The following TBC1D4 variants were observed in gnomAD, a reference collection of about 807,000 sequenced individuals.
TBC1D4 encodes the protein TBC1 domain family member 4, also known as TBC (Tre-2, BUB2, CDC16) domain-containing protein.
Under a neutral mutation model 142.5 loss-of-function variants are expected in TBC1D4, and 121 were observed. That is an observed-to-expected ratio of 0.85 (90% CI 0.73 to 0.99). The LOEUF (loss-of-function observed/expected upper bound fraction) is 0.99. TBC1D4 is among the 50% of genes least tolerant of loss of function. TBC1D4 has a pLI of 0.00. For synonymous variants in TBC1D4, 630 were observed against 628.2 expected, an observed-to-expected ratio of 1.00 and a Z score of -0.04; for missense variants, 1,475 against 1,606.6, an observed-to-expected ratio of 0.92 and a Z score of 1.40.
intron 1 of TBC1D4, among the ~76,000 whole-genome samples, chr13:75,426,072 T>C (rs1886360412): frequency 6.6e-6 from 1 of 152,198 alleles, no homozygotes; most frequent in East Asian, 1.9e-4. Flanking sequence ...TTTTATACCA[T>C]AAATGTATAA....
chr13:75,465,674 T>C (rs958201059), intron 1 of TBC1D4, among the ~76,000 whole-genome samples: 4 of 152,108 alleles, frequency 2.6e-5, no homozygotes, highest in African/African-American at 9.7e-5. Flanking sequence ...CATGCCATGA[T>C]TGGGTTGGGG....
rs35018625 is a variant in TBC1D4, at chr13:75,341,114, T to TA, written c.1611+10dup. The stretch of plus-strand genomic sequence containing the variant: ...CAACAAAAGTAGGTGAAGTAGGAAA[T>TA]ATCTTCTCACAGAAGGGCCTTCCCC... On this transcript the variant is annotated intron_variant, in intron 7 of 20. Coordinates refer to ENST00000377636, the MANE Select transcript of TBC1D4 (RefSeq NM_014832.5). 0.47 allele frequency: 749,478 copies of TA among 1,606,802 alleles called. 182,536 individuals are homozygous for TA. Among genetic ancestry groups the TA allele is most frequent in the East Asian group, 0.67 (30,006 of 44,746 alleles).
At chr13:75,404,553 T>C (rs940028983) in intron 1 of TBC1D4, among the ~76,000 whole-genome samples, 1 of 152,154 alleles carries the variant, frequency 6.6e-6, no homozygotes, top group Non-Finnish European at 1.5e-5. Context: ...TTATCTGATG[T>C]TTTTCTCATG....
At chr13:75,291,038 C>T (rs1053877478) in intron 19 of TBC1D4, among the ~76,000 whole-genome samples, 2 of 152,168 alleles carry the variant, frequency 1.3e-5, no homozygotes, top group Non-Finnish European at 2.9e-5. Context: ...TGCATCTGAA[C>T]GGCAGCAATA....
chr13:75,465,160 C>T (rs1402563139), intron 1 of TBC1D4, among the ~76,000 whole-genome samples: 2 of 152,134 alleles, frequency 1.3e-5, no homozygotes, highest in African/African-American at 4.8e-5. Flanking sequence ...TGCGCAGGGC[C>T]GTAAGTGGTG....
chr13:75,306,606 A>G (rs1877214275), intron 14 of TBC1D4, 135 bp from the exon 15 acceptor site: 4 of 1,055,108 alleles, frequency 3.8e-6, no homozygotes, highest in Non-Finnish European at 4.1e-6. Context: ...AAGAAAATTT[A>G]AAACAAATTG....
intron 1 of TBC1D4, among the ~76,000 whole-genome samples, chr13:75,442,917 A>T (rs1027402726): frequency 6.6e-6 from 1 of 152,236 alleles, no homozygotes; most frequent in African/African-American, 2.4e-5. Context: ...CTCTCTGCCT[A>T]GTCTATACTA....
intron 14 of TBC1D4, among the ~76,000 whole-genome samples, chr13:75,308,824 AAAG>A (rs1378058478): frequency 6.6e-6 from 1 of 152,260 alleles, no homozygotes; most frequent in Non-Finnish European, 1.5e-5. Context: ...ATTTTGAAGA[AAAG>A]AAGATGTATT....
At chr13:75,453,697 A>C (rs1325636095) in intron 1 of TBC1D4, among the ~76,000 whole-genome samples, 2 of 152,134 alleles carry the variant, frequency 1.3e-5, no homozygotes, top group Non-Finnish European at 2.9e-5. Flanking sequence ...CCCCGTCTCT[A>C]CTAAAAATAC....
chr13:75,413,289 G>C lies in TBC1D4; in HGVS notation c.499-50682C>G, dbSNP rs183717039. On this transcript the variant is annotated intron_variant, in intron 1 of 20. Transcript: ENST00000377636. ...CAATTCTCTTGCCTCAGCCTCCCGA[G>C]TAGCTGGGACTACAGGTGCGCACCA... Among the ~76,000 whole-genome samples the C allele has an allele frequency of 3.0e-3, 460 of 152,134 alleles. 1 individual carries two copies. Among genetic ancestry groups the C allele is most frequent in the African/African-American group, 0.011 (442 of 41,500 alleles).
intron 1 of TBC1D4, among the ~76,000 whole-genome samples, chr13:75,403,107 C>T: frequency 6.6e-6 from 1 of 152,294 alleles, no homozygotes; most frequent in Middle Eastern, 3.4e-3. Flanking sequence ...TAAAATAAAC[C>T]AAACCAGCAG....
chr13:75,434,186 T>TG (rs1420422509), intron 1 of TBC1D4, among the ~76,000 whole-genome samples: 3 of 152,180 alleles, frequency 2.0e-5, no homozygotes, highest in African/African-American at 7.2e-5. Context: ...ATATAAGTCA[T>TG]TCTGCCACAA....
intron 1 of TBC1D4, among the ~76,000 whole-genome samples, chr13:75,443,960 G>GA (rs1313339276): frequency 1.0e-5 from 1 of 98,712 alleles, no homozygotes; most frequent in Non-Finnish European, 2.0e-5. Context: ...GCAGATAGTA[G>GA]AAAAAAATAT....
At chr13:75,480,433 A>T (rs970663113) in intron 1 of TBC1D4, among the ~76,000 whole-genome samples, 2 of 152,190 alleles carry the variant, frequency 1.3e-5, no homozygotes, top group Non-Finnish European at 2.9e-5. Flanking sequence ...CAATCACTGC[A>T]TAGTCAAGTT....
rs566733605 is a variant in TBC1D4 at position 75,319,903 on chromosome 13, G to T, written c.2222+111C>A. Reference sequence around the variant, plus strand: ...ATATAGCCCTCAGAGCACTCAGAAAGATGGCATGCATTCAGGAGACAAACA... The same window carrying T: ...ATATAGCCCTCAGAGCACTCAGAAATATGGCATGCATTCAGGAGACAAACA... On this transcript the variant is annotated intron_variant, in intron 12 of 20. Transcript: ENST00000377636. The T allele has an allele frequency of 5.8e-5, 64 of 1,108,134 alleles. No homozygotes were observed. In the African/African-American group the frequency reaches 9.0e-4, roughly 16 times the overall value. 68.6% of individuals were successfully genotyped at this position (1,108,134 alleles called of 1,614,324 possible). A position where few individuals can be genotyped will look rare whatever the true frequency, so the allele number is the denominator to read the frequency against.
intron 2 of TBC1D4, 65 bp downstream of exon 2, chr13:75,361,961 G>C (rs996059706): frequency 1.3e-6 from 2 of 1,564,458 alleles, no homozygotes; most frequent in African/African-American, 1.4e-5. Flanking sequence ...GGAGGAACTG[G>C]ATGCCCAGCT....
Position 75,362,297 on chromosome 13 carries a change from T to TC in TBC1D4, c.808dup (p.Glu270GlyfsTer3), listed in dbSNP as rs1882593501. 4 of 1,613,782 alleles carry TC rather than the reference T, an allele frequency of 2.5e-6. No homozygotes were observed. The highest frequency in any genetic ancestry group is 1.7e-5 in the Admixed American group (1 of 60,002). Reference sequence around the variant, plus strand: ...AAGGTGGGTGTCGGTGCCGTCAGCCTCCTCCGGCAGGCAGTCTCCGGGGGA... The same window carrying TC: ...AAGGTGGGTGTCGGTGCCGTCAGCCTCCCTCCGGCAGGCAGTCTCCGGGGGA... On this transcript the variant is annotated frameshift_variant, in exon 2 of 21. Transcript: ENST00000377636. LOFTEE classifies it high-confidence loss of function. This position sits in a 1 kb window ranked among gnomAD's most constrained non-coding sequence, Gnocchi z 4.2.
intron 1 of TBC1D4, among the ~76,000 whole-genome samples, chr13:75,447,558 T>TTA (rs1228563564): frequency 1.5e-4 from 23 of 149,574 alleles, no homozygotes; most frequent in East Asian, 5.9e-4. Context: ...CCAGTACTGT[T>TTA]TATATATATA....
Position 75,302,297 on chromosome 13 carries a change from T to C in TBC1D4, c.2857A>G (p.Lys953Glu). 1.2e-6 allele frequency: 2 copies of C among 1,614,208 alleles called. No homozygotes were observed. The highest frequency in any genetic ancestry group is 1.7e-6 in the Non-Finnish European group (2 of 1,180,034). Reference protein sequence around the residue: ...NKQQPPDISYKELLKQLTAQQ... With the variant: ...NKQQPPDISYEELLKQLTAQQ... ...GCAGTGAGCTGCTTCAAAAGTTCCT[T>C]ATAGGATATGTCAGGAGGCTGTTGT... The change falls in exon 16 of 21, where the codon AAG becomes GAG. Residue 953 changes from lysine to glutamate, a missense_variant. Coordinates refer to ENST00000377636, the MANE Select transcript of TBC1D4 (RefSeq NM_014832.5).
Sources: allele counts gnomAD v4.1 joint callset (sites outside exome capture counted in the v4.1 genomes callset), GRCh38; gene constraint gnomAD v4.1.1; non-coding constraint Gnocchi (gnomAD v3.1); transcripts MANE v1.5; gene names NCBI Gene and HGNC (gene_info 2026-07-23, HGNC 2026-07-21).